The following KSR2 variants were observed in gnomAD, a reference collection of about 807,000 sequenced individuals.
KSR2 encodes kinase suppressor of ras 2.
In KSR2, 25 loss-of-function variants were observed where a neutral mutation model predicts 107.8. That is an observed-to-expected ratio of 0.23 (90% CI 0.17 to 0.32). The LOEUF is 0.32. Ranked by LOEUF, KSR2 falls within the 10% of genes least tolerant of loss-of-function variation. KSR2 has a pLI of 1.00. For missense variants in KSR2, 887 were observed against 1,268.9 expected (o/e 0.70, Z 4.57); for synonymous variants, 480 against 507.0 (o/e 0.95, Z 0.71).
At chr12:117,678,206 C>T (rs1016155652) in intron 4 of KSR2, among the ~76,000 whole-genome samples, 6 of 151,528 alleles carry the variant, frequency 4.0e-5, no homozygotes, top group Non-Finnish European at 8.8e-5. Flanking sequence ...CCACCTCACA[C>T]GCCCAAAGTG....
chr12:117,546,903 C>T (rs1350740254), intron 9 of KSR2, among the ~76,000 whole-genome samples: 3 of 152,154 alleles, frequency 2.0e-5, no homozygotes, highest in Admixed American at 6.5e-5. Context: ...GTCTCAAGAA[C>T]GTTCATAATT....
At chr12:117,728,671 T>C (rs571624061) in intron 4 of KSR2, among the ~76,000 whole-genome samples, 1 of 152,318 alleles carries the variant, frequency 6.6e-6, no homozygotes, top group East Asian at 1.9e-4. Flanking sequence ...ATAACGGCCG[T>C]GCCGCCCTCA....
intron 4 of KSR2, among the ~76,000 whole-genome samples, chr12:117,690,292 G>C (rs1251189899): frequency 6.6e-6 from 1 of 152,168 alleles, no homozygotes; most frequent in Admixed American, 6.5e-5. Flanking sequence ...GGCCGGGCAC[G>C]GTGGCTTACA....
chr12:117,792,005 C>T (rs1220392963), intron 3 of KSR2, among the ~76,000 whole-genome samples: 1 of 152,116 alleles, frequency 6.6e-6, no homozygotes, highest in African/African-American at 2.4e-5. Flanking sequence ...AAAGATCTGA[C>T]ATTCCCTCTG....
chr12:117,831,578 C>T (rs188738948), intron 3 of KSR2, among the ~76,000 whole-genome samples: 5 of 152,258 alleles, frequency 3.3e-5, no homozygotes, highest in Admixed American at 2.0e-4. Flanking sequence ...AATCATATAG[C>T]GAAGACACCT....
At chr12:117,869,272 T>G (rs1371220182) in intron 1 of KSR2, among the ~76,000 whole-genome samples, 1 of 152,026 alleles carries the variant, frequency 6.6e-6, no homozygotes, top group African/African-American at 2.4e-5. Context: ...CTCAGGAGCC[T>G]GAGGTGGGAC....
rs896221588 is a variant in KSR2 at position 117,462,486 on chromosome 12, A to G, written c.*4713T>C. On this transcript the variant is annotated 3_prime_UTR_variant, in exon 20 of 20. Coordinates refer to ENST00000339824, the MANE Select transcript of KSR2 (RefSeq NM_173598.6). ...CACAGCTGCAAGCCAAGGAATGCCAATGATGACCAGGAAAGCACCAGGAAT... is the reference window on the plus strand; with the variant it reads ...CACAGCTGCAAGCCAAGGAATGCCAGTGATGACCAGGAAAGCACCAGGAAT... 3 of 152,208 alleles carry G rather than the reference A, an allele frequency of 2.0e-5. No homozygotes were observed. Among genetic ancestry groups the G allele is most frequent in the Non-Finnish European group, 4.4e-5 (3 of 68,064 alleles). 9.4% of individuals were successfully genotyped at this position (152,208 alleles called of 1,614,324 possible).
At chr12:117,903,210 C>G (rs1894741797) in intron 1 of KSR2, among the ~76,000 whole-genome samples, 1 of 152,084 alleles carries the variant, frequency 6.6e-6, no homozygotes, top group South Asian at 2.1e-4. Context: ...AAACAAAGTA[C>G]ATGTGAAAAT....
At chr12:117,910,333 CAAGAGAG>C (rs1566078130) in intron 1 of KSR2, among the ~76,000 whole-genome samples, 10 of 152,142 alleles carry the variant, frequency 6.6e-5, no homozygotes, top group Non-Finnish European at 1.3e-4. Flanking sequence ...GCCTATTAAC[CAAGAGAG>C]AGTGCCCATT....
intron 5 of KSR2, among the ~76,000 whole-genome samples, chr12:117,602,428 A>G (rs534334024): frequency 6.6e-6 from 1 of 152,284 alleles, no homozygotes; most frequent in South Asian, 2.1e-4. Context: ...GGAATTACCA[A>G]TCTGCTTCCT....
rs1431414130 is a variant in KSR2 at position 117,921,891 on chromosome 12, G to A, written c.180+46185C>T. ...TTGACAAAAATAAAAAGAAGTAATC[G>A]GTAAATAGTAGATGCTCTTCTTACA... is the stretch of plus-strand genomic sequence containing the variant. On this transcript the variant is annotated intron_variant, in intron 1 of 19. Coordinates refer to ENST00000339824, the MANE Select transcript of KSR2 (RefSeq NM_173598.6). 2.0e-5 allele frequency among the ~76,000 whole-genome samples: 3 copies of A among 152,182 alleles called. No individual in the cohort carries two copies. In the East Asian group the frequency reaches 5.8e-4, roughly 29 times the overall value.
chr12:117,783,904 A>G (rs1346126853), intron 3 of KSR2, among the ~76,000 whole-genome samples: 1 of 152,122 alleles, frequency 6.6e-6, no homozygotes, highest in African/African-American at 2.4e-5. Context: ...ACAAAACTGC[A>G]CTCATATGAC....
chr12:117,795,952 T>C (rs1395841228), intron 3 of KSR2, among the ~76,000 whole-genome samples: 1 of 151,996 alleles, frequency 6.6e-6, no homozygotes, highest in Non-Finnish European at 1.5e-5. Context: ...TGAGACAGGG[T>C]CTCTCACTCT....
At chr12:117,868,663 C>T (rs1024127365) in intron 1 of KSR2, among the ~76,000 whole-genome samples, 3 of 152,066 alleles carry the variant, frequency 2.0e-5, no homozygotes, top group East Asian at 1.9e-4. Flanking sequence ...AGATTCAAAC[C>T]CAGTCTAATT....
At chr12:117,854,038 T>C (rs751702848) in intron 3 of KSR2, among the ~76,000 whole-genome samples, 1 of 152,162 alleles carries the variant, frequency 6.6e-6, no homozygotes, top group Non-Finnish European at 1.5e-5. Context: ...TCTTGCTCTG[T>C]CACCCAGGCT....
chr12:117,678,102 A>ATTTTTTTTTTTTT (rs35096843), intron 4 of KSR2, among the ~76,000 whole-genome samples: 2 of 127,546 alleles, frequency 1.6e-5, no homozygotes. Context: ...AGCCCAGCTA[A>ATTTTTTTTTTTTT]TTTTTTTTTT....
At chr12:117,951,421 T>C (rs1896361512) in intron 1 of KSR2, among the ~76,000 whole-genome samples, 1 of 152,186 alleles carries the variant, frequency 6.6e-6, no homozygotes, top group Non-Finnish European at 1.5e-5. Context: ...CAAGTTCTCC[T>C]TTTATACCTA....
chr12:117,721,424 A>G (rs1887201153), intron 4 of KSR2, among the ~76,000 whole-genome samples: 1 of 152,254 alleles, frequency 6.6e-6, no homozygotes, highest in African/African-American at 2.4e-5. Context: ...ACTATTAATG[A>G]TAACAGTGTA....
chr12:117,598,973 C>T lies in KSR2; in HGVS notation c.1172-16614G>A, dbSNP rs559432929. On this transcript the variant is annotated intron_variant, in intron 5 of 19. Coordinates refer to ENST00000339824, the MANE Select transcript of KSR2 (RefSeq NM_173598.6). ...CTCCCCGACCTTTCCTGGAAATAAA[C>T]AATTTAATCTACTAAGTCCACAAGG... 5.9e-5 allele frequency among the ~76,000 whole-genome samples: 9 copies of T among 152,082 alleles called. No individual in the cohort carries two copies. The South Asian group carries it at 6.3e-4, about 11-fold the overall frequency.
Sources: gnomAD v4.1 joint callset for allele counts (sites outside exome capture counted in the v4.1 genomes callset) on GRCh38, gnomAD v4.1.1 for gene constraint, MANE v1.5 for transcripts, NCBI Gene and HGNC (gene_info 2026-07-23, HGNC 2026-07-21) for gene names.